Variants in TMEM178B observed in about 807,000 individuals in gnomAD.
TMEM178B encodes transmembrane protein 178B.
In TMEM178B, 5 loss-of-function variants were observed where a neutral mutation model predicts 31.0. The observed-to-expected ratio is 0.16, with a 90% CI of 0.08 to 0.34. The LOEUF (loss-of-function observed/expected upper bound fraction) is 0.34, where lower values mean the gene tolerates loss of function less well. Ranked by LOEUF, TMEM178B falls within the 10% of genes least tolerant of loss-of-function variation. TMEM178B has a pLI of 1.00. For missense variants in TMEM178B, 275 were observed against 400.3 expected (o/e 0.69, Z 2.67); for synonymous variants, 164 against 164.0 (o/e 1.00, Z 0.00).
intron 2 of TMEM178B, among the ~76,000 whole-genome samples, chr7:141,339,286 G>A (rs557356281): frequency 6.6e-6 from 1 of 150,770 alleles, no homozygotes; most frequent in Non-Finnish European, 1.5e-5. Flanking sequence ...ATAGCCAGGA[G>A]GGGTAGGGCA....
intron 3 of TMEM178B, among the ~76,000 whole-genome samples, chr7:141,447,499 T>G (rs1281091236): frequency 2.6e-5 from 4 of 152,072 alleles, no homozygotes; most frequent in Non-Finnish European, 4.4e-5. Flanking sequence ...ATTAAGGGCC[T>G]CAGAGGCGTG....
At chr7:141,339,272 T>G (rs1799476475) in intron 2 of TMEM178B, among the ~76,000 whole-genome samples, 2 of 152,094 alleles carry the variant, frequency 1.3e-5, no homozygotes, top group South Asian at 4.1e-4. Context: ...ACTGGACAGC[T>G]CACATAGCCA....
Position 141,081,664 on chromosome 7 carries a change from A to T in TMEM178B, c.382+6972A>T, listed in dbSNP as rs116015834. 3.9e-3 allele frequency among the ~76,000 whole-genome samples: 601 copies of T among 152,256 alleles called. 4 individuals carry two copies. The highest frequency in any genetic ancestry group is 0.014 in the African/African-American group (571 of 41,560). On this transcript the variant is annotated intron_variant, in intron 1 of 3. Coordinates refer to ENST00000565468, the MANE Select transcript of TMEM178B (RefSeq NM_001195278.2). Reference sequence around the variant, plus strand: ...AAAAAAGAAAAAAAAAAAGAAAGAAAATATTTCATACAGTTGTAAAGTTAA... The same window carrying T: ...AAAAAAGAAAAAAAAAAAGAAAGAATATATTTCATACAGTTGTAAAGTTAA...
At chr7:141,419,696 C>T (rs1586947952) in intron 2 of TMEM178B, among the ~76,000 whole-genome samples, 3 of 152,218 alleles carry the variant, frequency 2.0e-5, no homozygotes, top group East Asian at 1.9e-4. Flanking sequence ...AGTGATTGAC[C>T]AAGTGAATTC....
At chr7:141,404,623 C>T (rs552032203) in intron 2 of TMEM178B, among the ~76,000 whole-genome samples, 48 of 152,248 alleles carry the variant, frequency 3.2e-4, no homozygotes, top group African/African-American at 1.1e-3. Context: ...GGATCCCGGA[C>T]GACTTATCTC....
chr7:141,469,974 G>A (rs898793699), intron 3 of TMEM178B, among the ~76,000 whole-genome samples: 2 of 152,198 alleles, frequency 1.3e-5, no homozygotes, highest in Non-Finnish European at 2.9e-5. Flanking sequence ...CATAGCGTTA[G>A]CACTCCAGAG....
chr7:141,350,054 G>C (rs1586907191), intron 2 of TMEM178B, among the ~76,000 whole-genome samples: 1 of 151,956 alleles, frequency 6.6e-6, no homozygotes, highest in Non-Finnish European at 1.5e-5. Flanking sequence ...CATCCATCTA[G>C]TAAGATTGAG....
intron 1 of TMEM178B, among the ~76,000 whole-genome samples, chr7:141,080,698 A>T (rs1317920174): frequency 3.9e-5 from 6 of 152,246 alleles, no homozygotes; most frequent in Non-Finnish European, 8.8e-5. Context: ...GGCACCATGA[A>T]GGTCTGCCCT....
chr7:141,161,042 A>T (rs1796162163), intron 1 of TMEM178B, among the ~76,000 whole-genome samples: 1 of 152,076 alleles, frequency 6.6e-6, no homozygotes, highest in African/African-American at 2.4e-5. Flanking sequence ...TTTTTAGTAG[A>T]GATGGGGTTT....
chr7:141,485,767 T>C, the TMEM178B span, among the ~76,000 whole-genome samples: 1 of 152,238 alleles, frequency 6.6e-6, no homozygotes, highest in Non-Finnish European at 1.5e-5. Flanking sequence ...TGGCTGGGCC[T>C]GGAGCTTCCC....
At chr7:141,194,871 A>G (rs915779527) in intron 1 of TMEM178B, among the ~76,000 whole-genome samples, 24 of 152,294 alleles carry the variant, frequency 1.6e-4, no homozygotes, top group Middle Eastern at 6.8e-3. Flanking sequence ...CCCAACCTCA[A>G]TTCTTGATGT....
chr7:141,416,978 G>A (rs1801110653), intron 2 of TMEM178B, among the ~76,000 whole-genome samples: 1 of 152,212 alleles, frequency 6.6e-6, no homozygotes, highest in South Asian at 2.1e-4. Flanking sequence ...AAAATGGAAA[G>A]CGTTGGAAAA....
At chr7:141,497,495 T>C in the TMEM178B span, among the ~76,000 whole-genome samples, 1 of 152,372 alleles carries the variant, frequency 6.6e-6, no homozygotes, top group Admixed American at 6.5e-5. Context: ...GAGCATCATA[T>C]TGAATAGAGA....
intron 2 of TMEM178B, among the ~76,000 whole-genome samples, chr7:141,390,599 C>T (rs1178078935): frequency 6.6e-6 from 1 of 152,194 alleles, no homozygotes; most frequent in Non-Finnish European, 1.5e-5. Context: ...GTTCACCTTG[C>T]CTTTGCGTTT....
chr7:141,354,429 C>G (rs1428547300), intron 2 of TMEM178B, among the ~76,000 whole-genome samples: 1 of 151,256 alleles, frequency 6.6e-6, no homozygotes, highest in Non-Finnish European at 1.5e-5. Context: ...ACTCTGAAAC[C>G]TCAAATTTGG....
chr7:141,103,066 C>A (rs1795084292), intron 1 of TMEM178B, among the ~76,000 whole-genome samples: 2 of 152,176 alleles, frequency 1.3e-5, no homozygotes, highest in Non-Finnish European at 2.9e-5. Context: ...CCAAAGATAC[C>A]CAGAGTAGCA....
intron 1 of TMEM178B, among the ~76,000 whole-genome samples, chr7:141,141,569 A>T (rs1352148048): frequency 6.6e-6 from 1 of 152,166 alleles, no homozygotes; most frequent in African/African-American, 2.4e-5. Context: ...GTCTCCCCAC[A>T]TATATTGTCA....
At chr7:141,407,145 G>A (rs1800898854) in intron 2 of TMEM178B, among the ~76,000 whole-genome samples, 1 of 152,148 alleles carries the variant, frequency 6.6e-6, no homozygotes, top group Non-Finnish European at 1.5e-5. Flanking sequence ...AGACCATATG[G>A]CCTGCAAATC....
intron 3 of TMEM178B, among the ~76,000 whole-genome samples, chr7:141,458,106 A>G (rs1801997884): frequency 6.6e-6 from 1 of 152,034 alleles, no homozygotes; most frequent in South Asian, 2.1e-4. Context: ...TCAACTTTTT[A>G]TTACTTTTTG....
Sources: gnomAD v4.1 joint callset for allele counts (sites outside exome capture counted in the v4.1 genomes callset) on GRCh38, gnomAD v4.1.1 for gene constraint, MANE v1.5 for transcripts, NCBI Gene and HGNC (gene_info 2026-07-23, HGNC 2026-07-21) for gene names.